COL22A1: variants seen among roughly 807,000 people sequenced by gnomAD.
The protein encoded by COL22A1 is collagen alpha-1(XXII) chain.
COL22A1 carries 221 observed loss-of-function variants against 248.9 expected under a neutral mutation model. The ratio of observed to expected loss-of-function variants is 0.89; its 90% CI spans 0.80 to 0.99. The LOEUF (loss-of-function observed/expected upper bound fraction) is 0.99. COL22A1 is among the 50% of genes least tolerant of loss of function. The pLI is 0.00. For synonymous variants in COL22A1, 891 were observed against 793.4 expected (o/e 1.12, Z -2.07); for missense variants, 2,240 against 2,179.0 (o/e 1.03, Z -0.56).
At chr8:138,775,372 G>A (rs1814335953) in intron 16 of COL22A1, among the ~76,000 whole-genome samples, 1 of 152,152 alleles carries the variant, frequency 6.6e-6, no homozygotes, top group Non-Finnish European at 1.5e-5. Context: ...AATCCAATCG[G>A]AGAACCCTTC....
intron 3 of COL22A1, among the ~76,000 whole-genome samples, chr8:138,873,546 C>G (rs1021641317): frequency 1.3e-5 from 2 of 152,144 alleles, no homozygotes; most frequent in Non-Finnish European, 2.9e-5. Context: ...AGCTTATATC[C>G]TTGTGTGTGA....
intron 2 of COL22A1, among the ~76,000 whole-genome samples, chr8:138,881,049 C>T (rs759493944): frequency 1.1e-4 from 17 of 152,182 alleles, no homozygotes; most frequent in South Asian, 2.1e-4. Flanking sequence ...GCCTTGATTC[C>T]GCCAAGGCAG....
At chr8:138,615,146 A>T (rs1307396491) in intron 55 of COL22A1, among the ~76,000 whole-genome samples, 1 of 152,174 alleles carries the variant, frequency 6.6e-6, no homozygotes, top group African/African-American at 2.4e-5. Flanking sequence ...CAGGCAAGCT[A>T]TTCCTGCCTC....
chr8:138,848,204 C>T lies in COL22A1; in HGVS notation c.659-4046G>A, dbSNP rs79838904. Among the ~76,000 whole-genome samples the T allele has an allele frequency of 4.0e-3, 609 of 152,224 alleles. 5 individuals carry two copies. The highest frequency in any genetic ancestry group is 0.014 in the African/African-American group (588 of 41,540). Reference sequence around the variant, plus strand: ...TTTTGAAAACATGAGAACACAAAAACGAAAACATCTAATGACAAAGACACT... The same window carrying T: ...TTTTGAAAACATGAGAACACAAAAATGAAAACATCTAATGACAAAGACACT... On this transcript the variant is annotated intron_variant, in intron 3 of 64. Coordinates refer to ENST00000303045, the MANE Select transcript of COL22A1 (RefSeq NM_152888.3).
At chr8:138,651,679 C>G (rs1587767827) in intron 45 of COL22A1, among the ~76,000 whole-genome samples, 1 of 152,002 alleles carries the variant, frequency 6.6e-6, no homozygotes, top group African/African-American at 2.4e-5. Flanking sequence ...TTATTGTACT[C>G]TAAGATGAGA....
intron 1 of COL22A1, among the ~76,000 whole-genome samples, chr8:138,905,023 T>C (rs754132314): frequency 7.9e-5 from 12 of 152,200 alleles, no homozygotes; most frequent in Non-Finnish European, 1.3e-4. Context: ...CTAATCTACT[T>C]CATCAGTTGC....
intron 32 of COL22A1, among the ~76,000 whole-genome samples, chr8:138,697,715 C>G (rs975162702): frequency 2.0e-5 from 3 of 152,212 alleles, no homozygotes; most frequent in Admixed American, 1.3e-4. Context: ...TAACACCCCT[C>G]TAAATTGCTC....
intron 50 of COL22A1, among the ~76,000 whole-genome samples, chr8:138,626,457 A>C (rs537854096): frequency 6.6e-6 from 1 of 152,306 alleles, no homozygotes; most frequent in South Asian, 2.1e-4. Flanking sequence ...GTTGGTACAC[A>C]CACTGGAGCT....
chr8:138,834,760 G>C (rs1201166363), intron 4 of COL22A1, among the ~76,000 whole-genome samples: 1 of 152,198 alleles, frequency 6.6e-6, no homozygotes, highest in Non-Finnish European at 1.5e-5. Context: ...TATATTTACT[G>C]TTTTCTCATC....
chr8:138,866,912 C>G (rs1402547378), intron 3 of COL22A1, among the ~76,000 whole-genome samples: 1 of 152,074 alleles, frequency 6.6e-6, no homozygotes, highest in Non-Finnish European at 1.5e-5. Flanking sequence ...GAAGAGAGAC[C>G]CTCTAAGAGG....
chr8:138,737,520 T>C lies in COL22A1; in HGVS notation c.2139+4A>G, dbSNP rs775233702. The C allele has an allele frequency of 1.2e-5, 20 of 1,601,724 alleles. No homozygotes were observed. Among genetic ancestry groups the C allele is most frequent in the Non-Finnish European group, 1.7e-5 (20 of 1,168,878 alleles). ...CTATGGAAGAGAATGTAAAAGGTAG[T>C]TACCTGCAGCCCCAGCAATCCAGGG... On this transcript the variant is annotated splice_donor_region_variant and intron_variant, in intron 23 of 64. Coordinates refer to ENST00000303045, the MANE Select transcript of COL22A1 (RefSeq NM_152888.3).
chr8:138,590,390 A>T (rs540318053), intron 64 of COL22A1, among the ~76,000 whole-genome samples: 2 of 152,186 alleles, frequency 1.3e-5, no homozygotes, highest in Non-Finnish European at 2.9e-5. Context: ...GCTAAGAGCC[A>T]CTGAAATGGG....
chr8:138,650,579 AATCCTCCCTCTC>A (rs1822622181), intron 45 of COL22A1, among the ~76,000 whole-genome samples: 1 of 152,070 alleles, frequency 6.6e-6, no homozygotes, highest in Non-Finnish European at 1.5e-5. Context: ...CCTTCTCTCT[AATCCTCCCTCTC>A]ATCCACCCTG....
At chr8:138,670,917 C>T (rs1475795779) in intron 41 of COL22A1, among the ~76,000 whole-genome samples, 9 of 144,054 alleles carry the variant, frequency 6.2e-5, no homozygotes, top group South Asian at 2.2e-4. Context: ...GCCATGATCA[C>T]GCCACTGCAC....
rs573477278 is a variant in COL22A1, at chr8:138,669,257, G to A, written c.3151-5517C>T. ...GGGAAAACGCACGAGTGATGCAGGGGCAGAGTGAAGCTGAGCAGGAAGTGT... is the reference window on the plus strand; with the variant it reads ...GGGAAAACGCACGAGTGATGCAGGGACAGAGTGAAGCTGAGCAGGAAGTGT... On this transcript the variant is annotated intron_variant, in intron 41 of 64. Coordinates refer to ENST00000303045, the MANE Select transcript of COL22A1 (RefSeq NM_152888.3). Among the ~76,000 whole-genome samples, 5 of 152,356 alleles carry A rather than the reference G, an allele frequency of 3.3e-5. No homozygotes were observed. In the East Asian group the frequency reaches 7.7e-4, roughly 24 times the overall value.
chr8:138,904,350 C>A (rs1159257869), intron 1 of COL22A1, among the ~76,000 whole-genome samples: 1 of 152,036 alleles, frequency 6.6e-6, no homozygotes, highest in African/African-American at 2.4e-5. Context: ...ACACACACAC[C>A]CTTACCACCC....
rs565085068 is a variant in COL22A1 at position 138,742,219 on chromosome 8, G to A, written c.2086-4642C>T. Among the ~76,000 whole-genome samples the A allele has an allele frequency of 6.3e-3, 960 of 151,698 alleles. 9 individuals are homozygous for A. The highest frequency in any genetic ancestry group is 0.022 in the African/African-American group (917 of 41,296). On this transcript the variant is annotated intron_variant, in intron 22 of 64. Coordinates refer to ENST00000303045, the MANE Select transcript of COL22A1 (RefSeq NM_152888.3). ...TAATAGTGATCGTGATGGTGATGGT[G>A]GAGTTGATGGTGATGGTGATGATGG...
chr8:138,669,551 A>G (rs573491486), intron 41 of COL22A1, among the ~76,000 whole-genome samples: 2 of 152,330 alleles, frequency 1.3e-5, no homozygotes, highest in South Asian at 2.1e-4. Flanking sequence ...CAAAGAGTGC[A>G]GACTTCAGGG....
In COL22A1 at chr8:138,684,187, C is replaced by A. The variant is rs1443412421; in HGVS notation, c.3012+238G>T. Among the ~76,000 whole-genome samples the A allele has an allele frequency of 2.0e-5, 3 of 151,598 alleles. No homozygotes were observed. In the East Asian group the frequency reaches 5.8e-4, roughly 29 times the overall value. Reference sequence around the variant, plus strand: ...GCTGAGGCAGGAGAATCACTTGAACCCAGGAGGTTGAAGTTGCAGTGAGCT... The same window carrying A: ...GCTGAGGCAGGAGAATCACTTGAACACAGGAGGTTGAAGTTGCAGTGAGCT... On this transcript the variant is annotated intron_variant, in intron 39 of 64. Coordinates refer to ENST00000303045, the MANE Select transcript of COL22A1 (RefSeq NM_152888.3).
Sources: allele counts gnomAD v4.1 joint callset (sites outside exome capture counted in the v4.1 genomes callset), GRCh38; gene constraint gnomAD v4.1.1; transcripts MANE v1.5; gene names NCBI Gene and HGNC (gene_info 2026-07-23, HGNC 2026-07-21).